The following RANBP2 variants were observed in gnomAD, a reference collection of about 807,000 sequenced individuals.
RANBP2 encodes the protein RAN binding protein 2.
In RANBP2, 57 loss-of-function variants were observed where a neutral mutation model predicts 303.6. That is an observed-to-expected ratio of 0.19 (90% confidence interval 0.15 to 0.23). The LOEUF is 0.23. Ranked by LOEUF, RANBP2 falls within the 10% of genes least tolerant of loss-of-function variation. The pLI is 1.00. For missense variants in RANBP2, 3,138 were observed against 3,780.8 expected, an observed-to-expected ratio of 0.83 and a Z score of 4.46; for synonymous variants, 1,167 against 1,301.5, an observed-to-expected ratio of 0.90 and a Z score of 2.23.
the RANBP2 span, chr2:109,667,086 G>T: frequency 1.2e-6 from 1 of 822,000 alleles, no homozygotes; most frequent in South Asian, 1.5e-5. Context: ...AATACACATA[G>T]ATCATAATCT....
chr2:109,587,647 C>T, the RANBP2 span, among the ~76,000 whole-genome samples: 1 of 152,172 alleles, frequency 6.6e-6, no homozygotes, highest in Non-Finnish European at 1.5e-5. Flanking sequence ...GGTGTGGTGG[C>T]TCACGCCTGT....
the RANBP2 span, among the ~76,000 whole-genome samples, chr2:109,266,909 C>T: frequency 6.6e-6 from 1 of 152,140 alleles, no homozygotes; most frequent in Non-Finnish European, 1.5e-5. Flanking sequence ...GATGTATGTC[C>T]CTGAGCAGGA....
the RANBP2 span, among the ~76,000 whole-genome samples, chr2:109,713,199 G>C: frequency 6.6e-6 from 1 of 152,144 alleles, no homozygotes; most frequent in East Asian, 1.9e-4. Context: ...GACCCACTTC[G>C]TGGAGGAGAG....
chr2:109,360,030 G>T, the RANBP2 span, among the ~76,000 whole-genome samples: 5 of 150,050 alleles, frequency 3.3e-5, no homozygotes, highest in African/African-American at 1.2e-4. Context: ...CCCACTTACT[G>T]GTCCCTTAAC....
At chr2:109,567,679 G>T in the RANBP2 span, 2 of 819,840 alleles carry the variant, frequency 2.4e-6, no homozygotes, top group South Asian at 2.9e-5. Flanking sequence ...TTCTCATACT[G>T]GACTTTTTGA....
the RANBP2 span, among the ~76,000 whole-genome samples, chr2:109,698,045 A>G: frequency 1.3e-5 from 2 of 151,820 alleles, no homozygotes; most frequent in Admixed American, 6.6e-5. Context: ...TTTTTAGTAG[A>G]GACAGGGTTT....
chr2:109,002,650 G>T, the RANBP2 span, among the ~76,000 whole-genome samples: 1 of 152,166 alleles, frequency 6.6e-6, no homozygotes. Flanking sequence ...CCACCCTCCA[G>T]CAGGTGGGAG....
chr2:108,878,766 T>C, the RANBP2 span, among the ~76,000 whole-genome samples: 1 of 152,088 alleles, frequency 6.6e-6, no homozygotes, highest in African/African-American at 2.4e-5. Flanking sequence ...GGCCTTGAGA[T>C]TGAGGTAGAG....
At chr2:109,735,026 T>A in the RANBP2 span, among the ~76,000 whole-genome samples, 1 of 152,212 alleles carries the variant, frequency 6.6e-6, no homozygotes, top group South Asian at 2.1e-4. Context: ...AAAAATCTTC[T>A]GTTCTAGCTA....
chr2:109,034,324 G>C, the RANBP2 span, among the ~76,000 whole-genome samples: 1 of 147,828 alleles, frequency 6.8e-6, no homozygotes, highest in African/African-American at 2.5e-5. Flanking sequence ...GAACCAGAAG[G>C]GTCAATTTCT....
At chr2:109,251,739 A>G in the RANBP2 span, 7 of 654,612 alleles carry the variant, frequency 1.1e-5, no homozygotes, top group African/African-American at 9.1e-5. Context: ...ACATTTTCAT[A>G]TTAGACTTTT....
the RANBP2 span, among the ~76,000 whole-genome samples, chr2:109,599,774 C>T: frequency 0.46 from 69,157 of 151,956 alleles, 16,160 homozygotes; most frequent in African/African-American, 0.55. Context: ...AAGCTTGCAC[C>T]ATAACAATGA....
the RANBP2 span, among the ~76,000 whole-genome samples, chr2:108,845,649 G>A: frequency 6.7e-6 from 1 of 148,906 alleles, no homozygotes; most frequent in Non-Finnish European, 1.5e-5. Flanking sequence ...TCGGCTCACT[G>A]CAAGCTCCGC....
chr2:109,141,937 C>T, the RANBP2 span, among the ~76,000 whole-genome samples: 1 of 152,074 alleles, frequency 6.6e-6, no homozygotes, highest in African/African-American at 2.4e-5. Context: ...AGGGCCCTTT[C>T]TACACTCACG....
chr2:109,234,891 C>T, the RANBP2 span, among the ~76,000 whole-genome samples: 2 of 152,200 alleles, frequency 1.3e-5, no homozygotes, highest in African/African-American at 4.8e-5. Context: ...GGATTCAGGG[C>T]AAACTAGTTT....
chr2:109,437,489 C>T, the RANBP2 span, among the ~76,000 whole-genome samples: 3 of 152,212 alleles, frequency 2.0e-5, no homozygotes, highest in African/African-American at 7.2e-5. Flanking sequence ...AAGAGGGCCT[C>T]ATAGACTAAT....
chr2:109,004,254 G>C, the RANBP2 span, among the ~76,000 whole-genome samples: 2 of 152,150 alleles, frequency 1.3e-5, no homozygotes, highest in Admixed American at 6.5e-5. Context: ...CCACCCTCAC[G>C]TGCTGTGGGT....
chr2:109,615,815 C>A, the RANBP2 span: 15 of 1,614,040 alleles, frequency 9.3e-6, no homozygotes, highest in Non-Finnish European at 1.3e-5. Flanking sequence ...ACCACCATCA[C>A]CACTCGGCTG....
chr2:109,264,807 A>T, the RANBP2 span, among the ~76,000 whole-genome samples: 1 of 152,216 alleles, frequency 6.6e-6, no homozygotes, highest in Admixed American at 6.5e-5. Context: ...CCTACCGTGC[A>T]TGCCGCACCC....
Sources: gnomAD v4.1 joint callset for allele counts (sites outside exome capture counted in the v4.1 genomes callset) on GRCh38, gnomAD v4.1.1 for gene constraint, MANE v1.5 for transcripts, NCBI Gene and HGNC (gene_info 2026-07-23, HGNC 2026-07-21) for gene names.